The following NLGN1 variants were observed in gnomAD, a reference collection of about 807,000 sequenced individuals.
NLGN1 encodes neuroligin 1, also known as neuroligin-1.
NLGN1 carries 12 observed loss-of-function variants against 65.5 expected under a neutral mutation model. That is an observed-to-expected ratio of 0.18 (90% CI 0.12 to 0.30). NLGN1 has a LOEUF of 0.30. Among genes scored for constraint, NLGN1 ranks in the 10% least tolerant of loss-of-function variants. NLGN1 has a pLI of 1.00. For synonymous variants in NLGN1, 350 were observed against 359.5 expected, an observed-to-expected ratio of 0.97 and a Z score of 0.30; for missense variants, 750 against 1,007.1, an observed-to-expected ratio of 0.74 and a Z score of 3.46.
chr3:174,194,233 C>T (rs1221869796), intron 4 of NLGN1, among the ~76,000 whole-genome samples: 6 of 151,848 alleles, frequency 4.0e-5, no homozygotes, highest in Admixed American at 6.6e-5. Flanking sequence ...CTGAGGCAGA[C>T]GGATAACGAA....
intron 2 of NLGN1, among the ~76,000 whole-genome samples, chr3:173,539,635 CATATATACATATATAACATATGTGTAT>C (rs1738179343): frequency 2.8e-5 from 1 of 36,212 alleles, no homozygotes; most frequent in Non-Finnish European, 5.9e-5. Flanking sequence ...TATATATACA[CATATATACATATATAACATATGTGTAT>C]ATATGCACAT....
At chr3:173,773,166 C>CA (rs1779829532) in intron 3 of NLGN1, among the ~76,000 whole-genome samples, 1 of 152,104 alleles carries the variant, frequency 6.6e-6, no homozygotes, top group Non-Finnish European at 1.5e-5. Context: ...CCACTGTGCT[C>CA]AAAGAGCTTC....
intron 2 of NLGN1, among the ~76,000 whole-genome samples, chr3:173,598,342 A>G (rs1330539549): frequency 6.6e-6 from 1 of 152,168 alleles, no homozygotes; most frequent in Non-Finnish European, 1.5e-5. Flanking sequence ...TACATCATAT[A>G]TTCATATTAG....
intron 1 of NLGN1, among the ~76,000 whole-genome samples, chr3:173,409,227 T>G (rs1031047819): frequency 6.6e-6 from 1 of 152,166 alleles, no homozygotes; most frequent in Non-Finnish European, 1.5e-5. Context: ...TTATTTATCC[T>G]GCTACACTCA....
intron 4 of NLGN1, among the ~76,000 whole-genome samples, chr3:174,124,608 CGTATATATACGTATACACAT>C: frequency 7.0e-6 from 1 of 143,114 alleles, no homozygotes; most frequent in South Asian, 2.2e-4. Context: ...TACATATATA[CGTATATATACGTATACACAT>C]ATACGTATAT....
intron 2 of NLGN1, among the ~76,000 whole-genome samples, chr3:173,532,435 G>A (rs1736733603): frequency 6.6e-6 from 1 of 152,010 alleles, no homozygotes; most frequent in Non-Finnish European, 1.5e-5. Context: ...TTTTCGTATA[G>A]CCTATTGAAC....
intron 4 of NLGN1, among the ~76,000 whole-genome samples, chr3:174,085,962 A>C (rs1185578463): frequency 6.6e-6 from 1 of 152,052 alleles, no homozygotes; most frequent in African/African-American, 2.4e-5. Flanking sequence ...AACTTCCGTT[A>C]CAATGATGAT....
chr3:173,628,956 A>G (rs951743624), intron 3 of NLGN1, among the ~76,000 whole-genome samples: 2 of 151,512 alleles, frequency 1.3e-5, no homozygotes, highest in Non-Finnish European at 2.9e-5. Context: ...GGCCTCCCAA[A>G]GTGCTGGGAT....
intron 4 of NLGN1, among the ~76,000 whole-genome samples, chr3:174,003,797 AT>A (rs1315963527): frequency 6.6e-6 from 1 of 152,046 alleles, no homozygotes; most frequent in African/African-American, 2.4e-5. Flanking sequence ...AAGGACTGGT[AT>A]TTTTTTGCAA....
chr3:173,935,622 ACTCTCTCTCTCT>A (rs72137673), intron 4 of NLGN1, among the ~76,000 whole-genome samples: 49 of 108,012 alleles, frequency 4.5e-4, no homozygotes, highest in African/African-American at 8.3e-4. Flanking sequence ...ACACACACAC[ACTCTCTCTCTCT>A]CTCTCTCTCT....
intron 3 of NLGN1, among the ~76,000 whole-genome samples, chr3:173,765,032 T>G (rs527742539): frequency 3.1e-4 from 46 of 149,452 alleles, no homozygotes; most frequent in South Asian, 1.5e-3. Flanking sequence ...GTGCCAGAAA[T>G]TGCTAATTGC....
At chr3:173,907,008 G>T (rs1451360319) in intron 4 of NLGN1, among the ~76,000 whole-genome samples, 1 of 152,050 alleles carries the variant, frequency 6.6e-6, no homozygotes, top group African/African-American at 2.4e-5. Context: ...TCTTCTATGG[G>T]TTTGGGCATT....
chr3:174,086,530 C>T (rs1177809031), intron 4 of NLGN1, among the ~76,000 whole-genome samples: 1 of 150,990 alleles, frequency 6.6e-6, no homozygotes, highest in Non-Finnish European at 1.5e-5. Context: ...TATAACATAA[C>T]GTTAAGTTCA....
rs1351771056 is a variant in NLGN1, at chr3:174,047,070, C to G, written c.647-228245C>G. 2.6e-5 allele frequency among the ~76,000 whole-genome samples: 4 copies of G among 151,850 alleles called. No homozygotes were observed. In the South Asian group the frequency reaches 6.2e-4, roughly 24 times the overall value. ...TTAGGTCAGAGATTGTTACATTTTT[C>G]TCTGCCTTAAGTTGCTATGTTTATT... On this transcript the variant is annotated intron_variant, in intron 4 of 6. Coordinates refer to ENST00000457714, the Ensembl canonical transcript of NLGN1.
chr3:173,579,460 C>T (rs897181774), intron 2 of NLGN1, among the ~76,000 whole-genome samples: 4 of 152,322 alleles, frequency 2.6e-5, no homozygotes, highest in African/African-American at 4.8e-5. Context: ...CTGGGCAAGA[C>T]AGTGAGACCA....
chr3:173,888,449 A>AT (rs1734754916), intron 4 of NLGN1, among the ~76,000 whole-genome samples: 1 of 151,876 alleles, frequency 6.6e-6, no homozygotes, highest in Admixed American at 6.6e-5. Flanking sequence ...TTTTATTGTT[A>AT]TTTTTTATTC....
chr3:173,505,428 C>T (rs1234935790), intron 2 of NLGN1, among the ~76,000 whole-genome samples: 5 of 152,064 alleles, frequency 3.3e-5, no homozygotes, highest in African/African-American at 1.2e-4. Flanking sequence ...GCATTGGCTT[C>T]CTATAATTCT....
intron 4 of NLGN1, among the ~76,000 whole-genome samples, chr3:174,224,431 G>A (rs1577438335): frequency 1.3e-5 from 2 of 152,308 alleles, no homozygotes; most frequent in South Asian, 2.1e-4. Flanking sequence ...GGGCGTGATG[G>A]CTCACGCCTG....
chr3:173,830,015 G>T (rs1009324040), intron 4 of NLGN1, among the ~76,000 whole-genome samples: 21 of 144,474 alleles, frequency 1.5e-4, no homozygotes, highest in Non-Finnish European at 1.7e-4. Context: ...TGTGGGGGGG[G>T]GAGGGAGAGA....
Sources: gnomAD v4.1 joint callset for allele counts (sites outside exome capture counted in the v4.1 genomes callset) on GRCh38, gnomAD v4.1.1 for gene constraint, MANE v1.5 for transcripts, NCBI Gene and HGNC (gene_info 2026-07-23, HGNC 2026-07-21) for gene names.